The following RABGAP1L variants were observed in gnomAD, a reference collection of about 807,000 sequenced individuals.
RABGAP1L encodes RAB GTPase activating protein 1 like, also known as rab GTPase-activating protein 1-like.
A neutral mutation model predicts 137.7 loss-of-function variants in RABGAP1L; 63 were observed. That is an observed-to-expected ratio of 0.46 (90% CI 0.37 to 0.56). The LOEUF (loss-of-function observed/expected upper bound fraction) is 0.56, where lower values mean the gene tolerates loss of function less well. Ranked by LOEUF, RABGAP1L falls within the 20% of genes least tolerant of loss-of-function variation. The pLI, the probability that RABGAP1L is intolerant of heterozygous loss-of-function variation, is 0.00. For missense variants in RABGAP1L, 1,095 were observed against 1,244.0 expected, an observed-to-expected ratio of 0.88 and a Z score of 1.80; for synonymous variants, 431 against 433.7, an observed-to-expected ratio of 0.99 and a Z score of 0.08.
At chr1:174,490,479 A>G (rs1344733472) in intron 13 of RABGAP1L, among the ~76,000 whole-genome samples, 2 of 152,136 alleles carry the variant, frequency 1.3e-5, no homozygotes, top group African/African-American at 4.8e-5. Flanking sequence ...GGTTGATACA[A>G]GTGCCCCTGT....
intron 13 of RABGAP1L, among the ~76,000 whole-genome samples, chr1:174,600,034 A>T (rs1315404723): frequency 6.6e-6 from 1 of 152,192 alleles, no homozygotes; most frequent in Admixed American, 6.5e-5. Context: ...TTGGACTTAC[A>T]GTTCGACATG....
intron 11 of RABGAP1L, among the ~76,000 whole-genome samples, chr1:174,312,960 C>T (rs1261745931): frequency 6.6e-6 from 1 of 152,178 alleles, no homozygotes; most frequent in East Asian, 1.9e-4. Flanking sequence ...GTCTATGTGT[C>T]TGTTTTTATG....
intron 14 of RABGAP1L, among the ~76,000 whole-genome samples, chr1:174,671,561 A>G (rs1392675960): frequency 6.6e-6 from 1 of 152,200 alleles, no homozygotes; most frequent in Non-Finnish European, 1.5e-5. Context: ...ATTTATTGAA[A>G]TGACTTTGAC....
chr1:174,702,362 A>G (rs1679726224), intron 17 of RABGAP1L, 106 bp downstream of exon 17: 1 of 891,018 alleles, frequency 1.1e-6, no homozygotes, highest in Non-Finnish European at 1.6e-6. Context: ...TAAGCCATAA[A>G]TACTCACTGA....
chr1:174,556,158 C>T (rs566182183), intron 13 of RABGAP1L, among the ~76,000 whole-genome samples: 7 of 151,784 alleles, frequency 4.6e-5, no homozygotes, highest in South Asian at 4.2e-4. Flanking sequence ...CCACTGTGCC[C>T]GGCTAATTTT....
intron 18 of RABGAP1L, among the ~76,000 whole-genome samples, chr1:174,806,996 G>A (rs1233398676): frequency 2.6e-5 from 4 of 152,148 alleles, no homozygotes; most frequent in African/African-American, 7.2e-5. Context: ...ATGTTGACCA[G>A]GCTGGTCTCG....
intron 14 of RABGAP1L, among the ~76,000 whole-genome samples, chr1:174,674,855 T>G (rs1343877685): frequency 6.6e-6 from 1 of 152,264 alleles, no homozygotes; most frequent in African/African-American, 2.4e-5. Context: ...TGAGCATGTT[T>G]TCATGTGTCT....
At chr1:174,201,699 G>A (rs1341194764) in intron 1 of RABGAP1L, among the ~76,000 whole-genome samples, 4 of 149,430 alleles carry the variant, frequency 2.7e-5, no homozygotes, top group Admixed American at 6.7e-5. Flanking sequence ...TGTGCACAAC[G>A]TGCAGGTTTG....
chr1:174,170,607 T>C (rs1397038464), intron 1 of RABGAP1L, among the ~76,000 whole-genome samples: 1 of 142,874 alleles, frequency 7.0e-6, no homozygotes, highest in Non-Finnish European at 1.5e-5. Context: ...CCAGGGAGGC[T>C]GAGGTTGCAG....
intron 18 of RABGAP1L, among the ~76,000 whole-genome samples, chr1:174,794,571 GTCA>G (rs1369781994): frequency 6.6e-6 from 1 of 152,164 alleles, no homozygotes; most frequent in Non-Finnish European, 1.5e-5. Context: ...ACTTATTCAT[GTCA>G]TACAGCTAGT....
intron 21 of RABGAP1L, among the ~76,000 whole-genome samples, chr1:174,970,680 G>A (rs1670054975): frequency 6.6e-6 from 1 of 151,590 alleles, no homozygotes; most frequent in African/African-American, 2.4e-5. Flanking sequence ...TCATGAATGA[G>A]GAAACTATAT....
At chr1:174,819,551 A>C (rs986463857) in intron 19 of RABGAP1L, among the ~76,000 whole-genome samples, 1 of 152,216 alleles carries the variant, frequency 6.6e-6, no homozygotes, top group Non-Finnish European at 1.5e-5. Context: ...AAGATATATG[A>C]GAGCAAAGAG....
chr1:174,537,804 T>C (rs192005889), intron 13 of RABGAP1L, among the ~76,000 whole-genome samples: 10 of 152,290 alleles, frequency 6.6e-5, no homozygotes, highest in African/African-American at 2.4e-4. Flanking sequence ...AAAGTTATAA[T>C]TTTTTTCAAC....
In RABGAP1L at chr1:174,444,507, G is replaced by C. The variant is rs776923197; in HGVS notation, c.1710+50362G>C. Among the ~76,000 whole-genome samples the C allele has an allele frequency of 3.7e-4, 57 of 152,066 alleles. 1 individual carries two copies. The highest frequency in any genetic ancestry group is 1.8e-3 in the Admixed American group (28 of 15,258). On this transcript the variant is annotated intron_variant, in intron 13 of 25. Coordinates refer to ENST00000681986, the MANE Select transcript of RABGAP1L (RefSeq NM_001366446.1). ...TCTTAACTTTTTAAGAATAGTTTGA[G>C]TGGAGTTGGTATTAGTTCTTCTTTA...
At chr1:174,690,245 T>A (rs1375176879) in intron 15 of RABGAP1L, among the ~76,000 whole-genome samples, 1 of 152,192 alleles carries the variant, frequency 6.6e-6, no homozygotes, top group East Asian at 1.9e-4. Flanking sequence ...TCAACTGAGC[T>A]TTAGTTTCTT....
At chr1:174,541,498 G>A (rs1267431278) in intron 13 of RABGAP1L, among the ~76,000 whole-genome samples, 7 of 152,232 alleles carry the variant, frequency 4.6e-5, no homozygotes, top group Admixed American at 2.0e-4. Context: ...TTTTTAGGCC[G>A]GGTGCGGTGG....
intron 16 of RABGAP1L, among the ~76,000 whole-genome samples, chr1:174,701,743 CA>C (rs34027614): frequency 0.076 from 10,131 of 133,068 alleles, 1,157 homozygotes; most frequent in African/African-American, 0.26. Flanking sequence ...ACTCTTATCT[CA>C]AAAAAAAAAA....
chr1:174,546,264 A>C (rs956201362), intron 13 of RABGAP1L, among the ~76,000 whole-genome samples: 3 of 152,224 alleles, frequency 2.0e-5, no homozygotes, highest in Non-Finnish European at 2.9e-5. Context: ...ACTATAACCA[A>C]GTGGGTGAGA....
chr1:174,180,424 C>T (rs9970118), intron 1 of RABGAP1L, among the ~76,000 whole-genome samples: 23 of 152,290 alleles, frequency 1.5e-4, no homozygotes, highest in African/African-American at 5.5e-4. Context: ...CTATTTCCTC[C>T]ATTAGCTAAA....
Sources: allele counts gnomAD v4.1 joint callset (sites outside exome capture counted in the v4.1 genomes callset), GRCh38; gene constraint gnomAD v4.1.1; transcripts MANE v1.5; gene names NCBI Gene and HGNC (gene_info 2026-07-23, HGNC 2026-07-21).